Variants in SPIDR observed in about 807,000 individuals in gnomAD.
SPIDR encodes DNA repair-scaffolding protein.
SPIDR carries 93 observed loss-of-function variants against 104.6 expected under a neutral mutation model. The observed-to-expected ratio is 0.89, with a 90% CI of 0.75 to 1.06. The LOEUF is 1.06. Among genes scored for constraint, SPIDR ranks in the 50% least tolerant of loss-of-function variants. The probability of loss-of-function intolerance (pLI) is 0.00; values close to 1 mark genes in which losing one functional copy is unlikely to be tolerated. For missense variants in SPIDR, 1,154 were observed against 1,111.2 expected (o/e 1.04, Z -0.55); for synonymous variants, 431 against 416.9 (o/e 1.03, Z -0.41).
intron 5 of SPIDR, among the ~76,000 whole-genome samples, chr8:47,354,237 T>C (rs1273493673): frequency 3.9e-5 from 6 of 152,176 alleles, no homozygotes; most frequent in African/African-American, 1.2e-4. Context: ...TACAAAAATA[T>C]AGTGTTTGAT....
chr8:47,418,267 C>A (rs906514617), intron 7 of SPIDR, among the ~76,000 whole-genome samples: 3 of 152,096 alleles, frequency 2.0e-5, no homozygotes, highest in African/African-American at 4.8e-5. Flanking sequence ...ATGGAATGTT[C>A]TTCCATTTGT....
At chr8:47,633,097 C>G (rs543839032) in intron 10 of SPIDR, among the ~76,000 whole-genome samples, 9 of 152,322 alleles carry the variant, frequency 5.9e-5, no homozygotes, top group African/African-American at 2.2e-4. Context: ...CTCATTCACT[C>G]TAACGGAAAC....
intron 5 of SPIDR, among the ~76,000 whole-genome samples, chr8:47,333,720 G>A (rs533856098): frequency 2.6e-5 from 4 of 152,192 alleles, no homozygotes; most frequent in Non-Finnish European, 5.9e-5. Context: ...ACAGCTGGCA[G>A]CATACAGTAA....
At chr8:47,455,420 C>CAA (rs200256035) in intron 8 of SPIDR, among the ~76,000 whole-genome samples, 4 of 147,958 alleles carry the variant, frequency 2.7e-5, no homozygotes, top group African/African-American at 1.0e-4. Flanking sequence ...CACAGACACA[C>CAA]AAAAAAAACA....
chr8:47,336,751 A>T (rs1395217349), intron 5 of SPIDR, among the ~76,000 whole-genome samples: 1 of 152,194 alleles, frequency 6.6e-6, no homozygotes, highest in Non-Finnish European at 1.5e-5. Context: ...GGACTGTTGG[A>T]GTTGGTTTCA....
intron 3 of SPIDR, among the ~76,000 whole-genome samples, chr8:47,288,709 T>C (rs2039340886): frequency 6.6e-6 from 1 of 152,288 alleles, no homozygotes; most frequent in Non-Finnish European, 1.5e-5. Context: ...ATATTCTGAA[T>C]AGTTTATTTT....
At position 47,293,985 on chromosome 8, in the gene SPIDR, T is replaced by A; in HGVS notation, c.480T>A (p.Ser160Arg). ...TCTCAGACTGTGCTTCTTGTGCAAG[T>A]AATCAGTCTTTGACAAGTGATGAGA... ...VEISDCASCA[S>R]NQSLTSDEKL... is the part of the protein sequence containing the mutation. Residue 160 changes from serine (S) to arginine (R), a missense_variant, in exon 5 of 20, where the codon AGT becomes AGA. Ser to Arg is a moderately radical substitution (Grantham distance 110). Coordinates refer to ENST00000297423, the MANE Select transcript of SPIDR (RefSeq NM_001080394.4). 2 of 1,614,168 alleles carry A rather than the reference T, an allele frequency of 1.2e-6. No homozygotes were observed. The highest frequency in any genetic ancestry group is 2.2e-5 in the South Asian group (2 of 91,074).
At chr8:47,507,638 A>G (rs766712914) in intron 8 of SPIDR, among the ~76,000 whole-genome samples, 2 of 152,192 alleles carry the variant, frequency 1.3e-5, no homozygotes, top group African/African-American at 2.4e-5. Flanking sequence ...TCACACCTAA[A>G]TATGCTATAT....
Position 47,512,011 on chromosome 8 carries a change from C to T in SPIDR, c.1097+71469C>T, listed in dbSNP as rs73565280. Reference sequence around the variant, plus strand: ...AATGGTTATGATGTCTTCTTCCCCTCTGTCCTCATAAAAGCTCGCTAGCGC... The same window carrying T: ...AATGGTTATGATGTCTTCTTCCCCTTTGTCCTCATAAAAGCTCGCTAGCGC... On this transcript the variant is annotated intron_variant, in intron 8 of 19. Transcript: ENST00000297423. 4.7e-3 allele frequency: 3,606 copies of T among 760,890 alleles called. 96 individuals are homozygous for T. In the African/African-American group the frequency reaches 0.056, roughly 12 times the overall value. 47.1% of individuals were successfully genotyped at this position (760,890 alleles called of 1,614,324 possible).
At chr8:47,682,055 G>T (rs2077157481) in intron 11 of SPIDR, among the ~76,000 whole-genome samples, 1 of 151,984 alleles carries the variant, frequency 6.6e-6, no homozygotes, top group African/African-American at 2.4e-5. Context: ...ATTCAAAAGT[G>T]ATACAATTAA....
Position 47,667,167 on chromosome 8 carries a change from G to A in SPIDR, c.1545-6634G>A, listed in dbSNP as rs557733795. Among the ~76,000 whole-genome samples, 10 of 152,170 alleles carry A rather than the reference G, an allele frequency of 6.6e-5. No homozygotes were observed. The East Asian group carries it at 1.9e-3, about 29-fold the overall frequency. ...GTGGTGGTGCACGCCTGTAGTCCCAGCTACTTGGGAGGCTGAGGCACAAGA... is the reference window on the plus strand; with the variant it reads ...GTGGTGGTGCACGCCTGTAGTCCCAACTACTTGGGAGGCTGAGGCACAAGA... On this transcript the variant is annotated intron_variant, in intron 10 of 19. Transcript: ENST00000297423.
intron 8 of SPIDR, among the ~76,000 whole-genome samples, chr8:47,489,939 TG>T (rs1436841636): frequency 2.0e-5 from 3 of 152,120 alleles, no homozygotes; most frequent in African/African-American, 7.2e-5. Context: ...GACATAGGCA[TG>T]GGCAAGGACT....
chr8:47,263,519 C>G (rs558763993), intron 1 of SPIDR, among the ~76,000 whole-genome samples: 1 of 152,286 alleles, frequency 6.6e-6, no homozygotes, highest in Admixed American at 6.5e-5. Flanking sequence ...CAGGGTTTCA[C>G]CGTGTTAGCC....
At chr8:47,576,743 AT>A (rs1182386717) in intron 8 of SPIDR, among the ~76,000 whole-genome samples, 1 of 152,202 alleles carries the variant, frequency 6.6e-6, no homozygotes, top group Admixed American at 6.5e-5. Flanking sequence ...CATAAATATC[AT>A]TTTTATAAAG....
intron 4 of SPIDR, 139 bp from the exon 5 acceptor site, chr8:47,293,728 A>G (rs1027430817): frequency 2.8e-5 from 26 of 939,036 alleles, no homozygotes; most frequent in Non-Finnish European, 3.8e-5. Context: ...GATTACAGGC[A>G]TGAGCTATTG....
intron 10 of SPIDR, chr8:47,667,736 G>A (rs1284504161): frequency 6.6e-6 from 1 of 151,996 alleles, no homozygotes; most frequent in Admixed American, 6.5e-5. Flanking sequence ...GGAAAATTAG[G>A]GATATCAGTC....
intron 5 of SPIDR, among the ~76,000 whole-genome samples, chr8:47,321,079 G>A (rs2046474613): frequency 6.6e-6 from 1 of 152,138 alleles, no homozygotes; most frequent in African/African-American, 2.4e-5. Context: ...ACATGGTGTT[G>A]GAAGTTCTGG....
chr8:47,443,987 G>A (rs2070021784), intron 8 of SPIDR, among the ~76,000 whole-genome samples: 1 of 151,980 alleles, frequency 6.6e-6, no homozygotes, highest in Admixed American at 6.6e-5. Flanking sequence ...CCAATTAATT[G>A]CATTATGAAA....
intron 8 of SPIDR, among the ~76,000 whole-genome samples, chr8:47,500,346 A>G (rs952136773): frequency 1.3e-5 from 2 of 152,146 alleles, no homozygotes; most frequent in Non-Finnish European, 2.9e-5. Flanking sequence ...TAACTGGTGT[A>G]AGATGGTATC....
Sources: gnomAD v4.1 joint callset for allele counts (sites outside exome capture counted in the v4.1 genomes callset) on GRCh38, gnomAD v4.1.1 for gene constraint, MANE v1.5 for transcripts, NCBI Gene and HGNC (gene_info 2026-07-23, HGNC 2026-07-21) for gene names.